Variants in TTLL4 observed in about 807,000 individuals in gnomAD.
The protein encoded by TTLL4 is tubulin monoglutamylase TTLL4.
A neutral mutation model predicts 122.7 loss-of-function variants in TTLL4; 85 were observed. The observed-to-expected ratio is 0.69, with a 90% CI of 0.58 to 0.83. The LOEUF (loss-of-function observed/expected upper bound fraction) is 0.83, where lower values mean the gene tolerates loss of function less well. TTLL4 is among the 40% of genes least tolerant of loss of function. TTLL4 has a pLI of 0.00. For synonymous variants in TTLL4, 553 were observed against 563.0 expected, an observed-to-expected ratio of 0.98 and a Z score of 0.25; for missense variants, 1,363 against 1,488.6, an observed-to-expected ratio of 0.92 and a Z score of 1.39.
rs1942938346 is a variant in TTLL4 at position 218,748,963 on chromosome 2, G to C, written c.2600+29G>C. 4 of 1,605,980 alleles carry C rather than the reference G, an allele frequency of 2.5e-6. No individual in the cohort carries two copies. In the African/African-American group the frequency reaches 4.0e-5, roughly 16 times the overall value. On this transcript the variant is annotated intron_variant, in intron 13 of 19. Transcript: ENST00000392102. ...AGTCACATTGCCAACCTGGATGTGGGGCCTGCTGCTGACCCCCTCCTTTCT... is the reference window on the plus strand; with the variant it reads ...AGTCACATTGCCAACCTGGATGTGGCGCCTGCTGCTGACCCCCTCCTTTCT...
chr2:218,717,372 C>T lies in TTLL4; in HGVS notation c.-178+6335C>T, dbSNP rs140851557. Among the ~76,000 whole-genome samples, 49 of 152,214 alleles carry T rather than the reference C, an allele frequency of 3.2e-4. No homozygotes were observed. The East Asian group carries it at 9.3e-3, about 29-fold the overall frequency. On this transcript the variant is annotated intron_variant, in intron 1 of 19. Coordinates refer to ENST00000392102, the MANE Select transcript of TTLL4 (RefSeq NM_014640.5). ...TGCTTTGAGAACTGCTGCTCCAGAGCCCACCTGAGAAGGAGGAAAGAGCCT... is the reference window on the plus strand; with the variant it reads ...TGCTTTGAGAACTGCTGCTCCAGAGTCCACCTGAGAAGGAGGAAAGAGCCT...
At position 218,727,283 on chromosome 2, in the gene TTLL4, A is replaced by G. The variant is rs1014746483; in HGVS notation, c.-163A>G. The G allele has an allele frequency of 4.6e-5, 7 of 152,118 alleles. No homozygotes were observed. The highest frequency in any genetic ancestry group is 1.4e-4 in the African/African-American group (6 of 41,402). 9.4% of individuals were successfully genotyped at this position (152,118 alleles called of 1,614,324 possible). On this transcript the variant is annotated 5_prime_UTR_variant, in exon 2 of 20. Coordinates refer to ENST00000392102, the MANE Select transcript of TTLL4 (RefSeq NM_014640.5). The stretch of plus-strand genomic sequence containing the variant: ...TGTATTTTCAGATAGACTGTCTTCA[A>G]GCTCACTGATATTTTCCTCTGCTTG...
intron 1 of TTLL4, among the ~76,000 whole-genome samples, chr2:218,724,244 A>AT (rs1205593407): frequency 6.6e-6 from 1 of 152,190 alleles, no homozygotes; most frequent in African/African-American, 2.4e-5. Flanking sequence ...TTAAAAAAAA[A>AT]TTTTTTTAAA....
chr2:218,757,208 C>T (rs929777545), downstream of TTLL4, among the ~76,000 whole-genome samples: 4 of 152,168 alleles, frequency 2.6e-5, no homozygotes, highest in Non-Finnish European at 5.9e-5. Context: ...AGGCAAGAAA[C>T]GTAAAACCCT....
downstream of TTLL4, among the ~76,000 whole-genome samples, chr2:218,759,602 C>T (rs1327556408): frequency 6.6e-6 from 1 of 152,132 alleles, no homozygotes; most frequent in Non-Finnish European, 1.5e-5. Context: ...TGGGAAGATT[C>T]TGTATCTTGA....
chr2:218,752,634 CAGT>C, intron 16 of TTLL4, 126 bp from the exon 17 acceptor site: 1 of 922,786 alleles, frequency 1.1e-6, no homozygotes, highest in Non-Finnish European at 1.7e-6. Context: ...AGGCTGCCCT[CAGT>C]AGTTCCATGA....
intron 2 of TTLL4, among the ~76,000 whole-genome samples, chr2:218,731,263 TAGCC>T (rs1236972598): frequency 1.3e-5 from 2 of 151,906 alleles, no homozygotes; most frequent in African/African-American, 4.8e-5. Context: ...ATACAAAAAT[TAGCC>T]AGGCGTCGTG....
intron 5 of TTLL4, among the ~76,000 whole-genome samples, chr2:218,743,128 G>T (rs1367399764): frequency 6.6e-6 from 1 of 151,552 alleles, no homozygotes; most frequent in Non-Finnish European, 1.5e-5. Context: ...TGGGTGACAA[G>T]AGCAAGACTC....
intron 3 of TTLL4, 63 bp from the exon 4 acceptor site, chr2:218,739,995 A>G: frequency 6.9e-7 from 1 of 1,453,634 alleles, no homozygotes. Flanking sequence ...TGAAGGAATG[A>G]GAATCTAACT....
At chr2:218,720,230 T>C (rs1941991323) in intron 1 of TTLL4, among the ~76,000 whole-genome samples, 2 of 152,108 alleles carry the variant, frequency 1.3e-5, no homozygotes, top group African/African-American at 4.8e-5. Flanking sequence ...CTTCTGCAGA[T>C]AATAGTTGAC....
intron 1 of TTLL4, among the ~76,000 whole-genome samples, chr2:218,721,523 A>C (rs1942040041): frequency 6.6e-6 from 1 of 152,200 alleles, no homozygotes; most frequent in South Asian, 2.1e-4. Context: ...GAATTGAATT[A>C]TAGGATATCC....
chr2:218,753,760 C>A, intron 19 of TTLL4, 91 bp downstream of exon 19: 2 of 1,372,406 alleles, frequency 1.5e-6, no homozygotes, highest in South Asian at 1.2e-5. Flanking sequence ...GCAGTGAGAT[C>A]AGCATTCTCC....
chr2:218,729,640 CTT>C (rs1942299918), intron 2 of TTLL4, among the ~76,000 whole-genome samples: 3 of 150,020 alleles, frequency 2.0e-5, no homozygotes, highest in African/African-American at 7.4e-5. Flanking sequence ...CTAAAACTAA[CTT>C]TCGTGTATTG....
chr2:218,737,957 C>T lies in TTLL4; in HGVS notation c.281C>T (p.Ala94Val), dbSNP rs371006988. The change falls in exon 3 of 20, where the codon GCT becomes GTT. Residue 94 changes from alanine (A) to valine (V), a missense_variant. Coordinates refer to ENST00000392102, the MANE Select transcript of TTLL4 (RefSeq NM_014640.5). The stretch of plus-strand genomic sequence containing the variant: ...ACTTTATGTAGCTCTGGGACCACGG[C>T]TGTCATTGCAGGCCACAGCAGTTCC... The part of the protein sequence containing the change: ...PSTLCSSGTT[A>V]VIAGHSSSCY... 9.3e-6 allele frequency: 15 copies of T among 1,614,084 alleles called. No individual in the cohort carries two copies. In the African/African-American group the frequency reaches 1.6e-4, roughly 17 times the overall value.
intron 18 of TTLL4, 64 bp downstream of exon 18, chr2:218,753,249 G>A: frequency 4.4e-6 from 7 of 1,581,146 alleles, no homozygotes; most frequent in Non-Finnish European, 6.1e-6. Flanking sequence ...CCTTATGAGT[G>A]CAGCAGGAGT....
chr2:218,755,808 A>G (rs1943140896), downstream of TTLL4, among the ~76,000 whole-genome samples: 3 of 152,218 alleles, frequency 2.0e-5, no homozygotes, highest in South Asian at 4.1e-4. Flanking sequence ...TCTGTGTTTC[A>G]TGGCTCCTGG....
At position 218,739,059 on chromosome 2, in the gene TTLL4, C is replaced by G; in HGVS notation, c.1383C>G (p.Gly461=). 1 of 1,614,090 alleles carries G rather than the reference C, an allele frequency of 6.2e-7. No homozygotes were observed. The highest frequency in any genetic ancestry group is 1.3e-5 in the African/African-American group (1 of 75,046). ...APGPPFPQTL[G]IANVATRLSS... is the part of the protein sequence containing the mutation. ...GTCCCCCTTTTCCTCAAACTCTTGG[C>G]ATAGCCAACGTGGCCACCCGCCTCT... The change falls in exon 3 of 20, where the codon GGC becomes GGG. Residue 461 remains glycine, a synonymous_variant. Transcript: ENST00000392102.
chr2:218,753,552 C>G (rs1287596426), intron 18 of TTLL4, 32 bp from the exon 19 acceptor site: 7 of 1,609,590 alleles, frequency 4.3e-6, no homozygotes, highest in South Asian at 1.1e-5. Flanking sequence ...CTCCGCCAAG[C>G]CTTTTGGTCT....
Position 218,749,247 on chromosome 2 carries a change from G to T in TTLL4, c.2601-6G>T. The stretch of plus-strand genomic sequence containing the variant: ...GAACTGAGTACTTCCTCATCCCCAT[G>T]ACCAGGTCAGAGCCCTATGTGACCA... On this transcript the variant is annotated splice_region_variant and splice_polypyrimidine_tract_variant and intron_variant, in intron 13 of 19. Coordinates refer to ENST00000392102, the MANE Select transcript of TTLL4 (RefSeq NM_014640.5). 1 of 1,614,020 alleles carries T rather than the reference G, an allele frequency of 6.2e-7. No homozygotes were observed.
Sources: gnomAD v4.1 joint callset for allele counts (sites outside exome capture counted in the v4.1 genomes callset) on GRCh38, gnomAD v4.1.1 for gene constraint, MANE v1.5 for transcripts, NCBI Gene and HGNC (gene_info 2026-07-23, HGNC 2026-07-21) for gene names.